Variants in EFNA5 observed in about 807,000 individuals in gnomAD.
EFNA5 encodes ephrin-A5.
Under a neutral mutation model 22.9 loss-of-function variants are expected in EFNA5, and 5 were observed. That is an observed-to-expected ratio of 0.22 (90% confidence interval 0.11 to 0.46). The LOEUF (loss-of-function observed/expected upper bound fraction) is 0.46. Ranked by LOEUF, EFNA5 falls within the 20% of genes least tolerant of loss-of-function variation. The probability of loss-of-function intolerance (pLI) is 0.99; values close to 1 mark genes in which losing one functional copy is unlikely to be tolerated. For synonymous variants in EFNA5, 113 were observed against 112.2 expected, an observed-to-expected ratio of 1.01 and a Z score of -0.04; for missense variants, 237 against 293.3, an observed-to-expected ratio of 0.81 and a Z score of 1.40.
At chr5:107,487,002 G>C (rs186267473) in intron 1 of EFNA5, among the ~76,000 whole-genome samples, 1 of 152,220 alleles carries the variant, frequency 6.6e-6, no homozygotes, top group East Asian at 1.9e-4. Context: ...ACCTACATCT[G>C]TTCACATCTC....
intron 1 of EFNA5, among the ~76,000 whole-genome samples, chr5:107,448,875 T>A (rs1304898203): frequency 1.4e-5 from 2 of 146,780 alleles, no homozygotes; most frequent in Non-Finnish European, 3.0e-5. Flanking sequence ...ATAAATAAAA[T>A]AAAATAAAAA....
At chr5:107,529,555 A>T (rs532090712) in intron 1 of EFNA5, among the ~76,000 whole-genome samples, 4 of 152,318 alleles carry the variant, frequency 2.6e-5, no homozygotes, top group African/African-American at 9.6e-5. Context: ...AAAGGCATGG[A>T]GGCAACAGAT....
intron 1 of EFNA5, among the ~76,000 whole-genome samples, chr5:107,631,879 A>G (rs1370477728): frequency 6.6e-6 from 1 of 152,278 alleles, no homozygotes; most frequent in East Asian, 1.9e-4. Context: ...TTTCAATTTG[A>G]TTTTTTTCAC....
chr5:107,567,043 A>T (rs62355626), intron 1 of EFNA5, among the ~76,000 whole-genome samples: 14,019 of 152,278 alleles, frequency 0.092, 809 homozygotes, highest in Non-Finnish European at 0.12. Flanking sequence ...TTTCTATTCA[A>T]TGGCACTTGA....
At chr5:107,532,785 T>G (rs930285515) in intron 1 of EFNA5, among the ~76,000 whole-genome samples, 5 of 152,188 alleles carry the variant, frequency 3.3e-5, no homozygotes, top group Non-Finnish European at 5.9e-5. Flanking sequence ...TAAAATGCCA[T>G]GTGAAGCAGA....
chr5:107,524,866 C>G (rs1333622484), intron 1 of EFNA5, among the ~76,000 whole-genome samples: 3 of 152,110 alleles, frequency 2.0e-5, no homozygotes, highest in Non-Finnish European at 4.4e-5. Flanking sequence ...CTCAGAGTCA[C>G]CCTAGAAATT....
intron 1 of EFNA5, among the ~76,000 whole-genome samples, chr5:107,625,391 A>G (rs932049776): frequency 6.6e-6 from 1 of 152,194 alleles, no homozygotes; most frequent in Admixed American, 6.5e-5. Context: ...ATATATGTAC[A>G]AAGCAGAACA....
At chr5:107,556,740 C>T (rs1281366801) in intron 1 of EFNA5, among the ~76,000 whole-genome samples, 5 of 146,674 alleles carry the variant, frequency 3.4e-5, no homozygotes, top group African/African-American at 1.0e-4. Context: ...GAGCAAAATT[C>T]CATCTCAAAA....
At chr5:107,520,420 C>T (rs1322180803) in intron 1 of EFNA5, among the ~76,000 whole-genome samples, 1 of 152,130 alleles carries the variant, frequency 6.6e-6, no homozygotes, top group Non-Finnish European at 1.5e-5. Flanking sequence ...AATGAAAATG[C>T]TTTCAATCTG....
intron 1 of EFNA5, among the ~76,000 whole-genome samples, chr5:107,617,925 C>A (rs567296168): frequency 6.6e-6 from 1 of 151,884 alleles, no homozygotes; most frequent in Non-Finnish European, 1.5e-5. Context: ...ACTCACGAAG[C>A]GGAGGTGGGG....
chr5:107,499,974 G>A (rs1747092770), intron 1 of EFNA5, among the ~76,000 whole-genome samples: 1 of 152,212 alleles, frequency 6.6e-6, no homozygotes, highest in African/African-American at 2.4e-5. Context: ...GCAGTGTACT[G>A]TGTGTGTTTC....
chr5:107,472,208 T>C (rs939595408), intron 1 of EFNA5, among the ~76,000 whole-genome samples: 7 of 152,144 alleles, frequency 4.6e-5, no homozygotes, highest in Non-Finnish European at 8.8e-5. Flanking sequence ...CCTACAGTAA[T>C]TAGACATCTA....
At chr5:107,665,042 C>A in intron 1 of EFNA5, among the ~76,000 whole-genome samples, 1 of 151,964 alleles carries the variant, frequency 6.6e-6, no homozygotes, top group South Asian at 2.1e-4. Flanking sequence ...CAAATGCTAC[C>A]CAACATGTAA....
At chr5:107,469,032 A>G (rs1750066613) in intron 1 of EFNA5, among the ~76,000 whole-genome samples, 1 of 152,242 alleles carries the variant, frequency 6.6e-6, no homozygotes, top group African/African-American at 2.4e-5. Flanking sequence ...ATGAATGTTT[A>G]GCAGGACCAA....
intron 1 of EFNA5, among the ~76,000 whole-genome samples, chr5:107,583,620 T>C (rs564455405): frequency 1.3e-5 from 2 of 152,272 alleles, no homozygotes; most frequent in South Asian, 2.1e-4. Context: ...GGTTACACTA[T>C]GGCTAGGGAG....
chr5:107,638,149 G>A (rs1020648439), intron 1 of EFNA5, among the ~76,000 whole-genome samples: 2 of 151,942 alleles, frequency 1.3e-5, no homozygotes, highest in East Asian at 3.9e-4. Flanking sequence ...CATCGTGCCC[G>A]GCCAACAGTT....
chr5:107,619,968 G>C (rs1408524972), intron 1 of EFNA5, among the ~76,000 whole-genome samples: 4 of 152,152 alleles, frequency 2.6e-5, no homozygotes, highest in Non-Finnish European at 4.4e-5. Flanking sequence ...ATCTCCAAAA[G>C]AAATCAGCCC....
chr5:107,385,618 T>C (rs549603748), intron 4 of EFNA5, among the ~76,000 whole-genome samples: 105 of 152,278 alleles, frequency 6.9e-4, no homozygotes, highest in Non-Finnish European at 1.2e-3. Context: ...GTATTAAACC[T>C]GGATCTACCT....
intron 2 of EFNA5, among the ~76,000 whole-genome samples, chr5:107,388,895 G>C (rs1351831713): frequency 6.6e-6 from 1 of 152,104 alleles, no homozygotes; most frequent in Non-Finnish European, 1.5e-5. Context: ...TCCTCATGGG[G>C]AGCTGAGAAC....
Sources: gnomAD v4.1 joint callset for allele counts (sites outside exome capture counted in the v4.1 genomes callset) on GRCh38, gnomAD v4.1.1 for gene constraint, MANE v1.5 for transcripts, NCBI Gene and HGNC (gene_info 2026-07-23, HGNC 2026-07-21) for gene names.